Variants in SLC24A3 observed in about 807,000 individuals in gnomAD.
SLC24A3 encodes the protein solute carrier family 24 member 3, also known as sodium/potassium/calcium exchanger 3.
A neutral mutation model predicts 75.8 loss-of-function variants in SLC24A3; 28 were observed. The observed-to-expected ratio is 0.37, with a 90% CI of 0.27 to 0.51. The LOEUF (loss-of-function observed/expected upper bound fraction) is 0.51, where lower values mean the gene tolerates loss of function less well. Among genes scored for constraint, SLC24A3 ranks in the 20% least tolerant of loss-of-function variants. The probability of loss-of-function intolerance (pLI) is 0.94; values close to 1 mark genes in which losing one functional copy is unlikely to be tolerated. For missense variants in SLC24A3, 663 were observed against 847.8 expected (o/e 0.78, Z 2.71); for synonymous variants, 372 against 334.1 (o/e 1.11, Z -1.24).
At chr20:19,690,372 T>C (rs1476752372) in intron 12 of SLC24A3, among the ~76,000 whole-genome samples, 1 of 152,222 alleles carries the variant, frequency 6.6e-6, no homozygotes, top group Non-Finnish European at 1.5e-5. Context: ...CAACTTTGTC[T>C]AATCAATATC....
intron 15 of SLC24A3, among the ~76,000 whole-genome samples, chr20:19,713,109 C>A (rs1478671300): frequency 6.6e-6 from 1 of 152,178 alleles, no homozygotes; most frequent in Non-Finnish European, 1.5e-5. Context: ...TGTAAAATGG[C>A]ATCTAAGAAT....
At chr20:19,575,568 G>A (rs1254502901) in intron 3 of SLC24A3, among the ~76,000 whole-genome samples, 1 of 152,162 alleles carries the variant, frequency 6.6e-6, no homozygotes. Flanking sequence ...GACTAAAGCT[G>A]AAATTCCAAA....
At chr20:19,633,682 G>A (rs1341097951) in intron 6 of SLC24A3, among the ~76,000 whole-genome samples, 2 of 147,972 alleles carry the variant, frequency 1.4e-5, no homozygotes, top group African/African-American at 5.0e-5. Flanking sequence ...AATGCCAGTA[G>A]TATTGGATTA....
chr20:19,489,896 A>G (rs894634583), intron 2 of SLC24A3, among the ~76,000 whole-genome samples: 35 of 152,022 alleles, frequency 2.3e-4, no homozygotes, highest in Admixed American at 2.3e-3. Flanking sequence ...TGAATAATGG[A>G]GTTGAATGTT....
intron 2 of SLC24A3, among the ~76,000 whole-genome samples, chr20:19,375,016 G>A (rs540960983): frequency 2.2e-4 from 33 of 152,234 alleles, no homozygotes; most frequent in African/African-American, 7.2e-4. Context: ...GGAAGCCCCA[G>A]GTACACCCAG....
chr20:19,602,565 A>G (rs529703494), intron 6 of SLC24A3, among the ~76,000 whole-genome samples: 64 of 152,220 alleles, frequency 4.2e-4, no homozygotes, highest in African/African-American at 1.5e-3. Flanking sequence ...CAAACTTCCA[A>G]CCCAGGTCTG....
At chr20:19,694,618 G>T (rs1219095073) in intron 13 of SLC24A3, 1 of 152,132 alleles carries the variant, frequency 6.6e-6, no homozygotes, top group African/African-American at 2.4e-5. Context: ...GGACAGTGTT[G>T]GCTGTCCCTG....
At chr20:19,504,806 T>C (rs1408688860) in intron 2 of SLC24A3, among the ~76,000 whole-genome samples, 1 of 152,254 alleles carries the variant, frequency 6.6e-6, no homozygotes, top group Non-Finnish European at 1.5e-5. Context: ...TCACTTTCTT[T>C]AATGAGAATT....
chr20:19,288,256 C>T (rs1983860087), intron 2 of SLC24A3, among the ~76,000 whole-genome samples: 1 of 152,142 alleles, frequency 6.6e-6, no homozygotes, highest in Non-Finnish European at 1.5e-5. Context: ...GCCTAAGAGT[C>T]CACTATGTAA....
intron 2 of SLC24A3, among the ~76,000 whole-genome samples, chr20:19,450,727 G>A (rs1335479412): frequency 6.6e-6 from 1 of 152,178 alleles, no homozygotes; most frequent in African/African-American, 2.4e-5. Context: ...GGCTGGGTTC[G>A]ATGGCTCACA....
intron 2 of SLC24A3, among the ~76,000 whole-genome samples, chr20:19,461,473 C>T (rs1314269091): frequency 6.6e-6 from 1 of 151,312 alleles, no homozygotes; most frequent in East Asian, 1.9e-4. Context: ...TATGCATGCA[C>T]TGGGCACTTA....
At chr20:19,307,886 T>C (rs1180826238) in intron 2 of SLC24A3, among the ~76,000 whole-genome samples, 6 of 152,236 alleles carry the variant, frequency 3.9e-5, no homozygotes, top group Non-Finnish European at 8.8e-5. Context: ...GGACCAACTC[T>C]GCATCTGTGG....
At chr20:19,682,021 G>T in intron 10 of SLC24A3, 30 bp downstream of exon 10, 1 of 1,610,710 alleles carries the variant, frequency 6.2e-7, no homozygotes, top group Non-Finnish European at 8.5e-7. Flanking sequence ...TGGGGTCCAA[G>T]GCAGGAGGAT....
intron 15 of SLC24A3, among the ~76,000 whole-genome samples, chr20:19,714,418 A>G (rs1568708809): frequency 7.4e-6 from 1 of 134,806 alleles, no homozygotes; most frequent in African/African-American, 2.8e-5. Flanking sequence ...AAAAAAAAAA[A>G]AAAAAAAACA....
At chr20:19,458,227 G>C (rs1158265046) in intron 2 of SLC24A3, among the ~76,000 whole-genome samples, 3 of 152,064 alleles carry the variant, frequency 2.0e-5, no homozygotes, top group Non-Finnish European at 4.4e-5. Context: ...GTGTGTTTCC[G>C]TATTCTTTTT....
At chr20:19,655,435 G>T (rs1333851773) in intron 7 of SLC24A3, among the ~76,000 whole-genome samples, 1 of 152,164 alleles carries the variant, frequency 6.6e-6, no homozygotes, top group African/African-American at 2.4e-5. Flanking sequence ...CATTGAAATA[G>T]GAGTCGGGAG....
intron 2 of SLC24A3, among the ~76,000 whole-genome samples, chr20:19,511,078 AGACAACTCTGAGACCT>A (rs1988528524): frequency 1.3e-5 from 2 of 152,268 alleles, no homozygotes; most frequent in Admixed American, 1.3e-4. Context: ...ACCCTGCAGT[AGACAACTCTGAGACCT>A]GCTTTCCTCT....
chr20:19,535,085 T>C (rs1257792139), intron 3 of SLC24A3, among the ~76,000 whole-genome samples: 2 of 152,114 alleles, frequency 1.3e-5, no homozygotes, highest in African/African-American at 4.8e-5. Flanking sequence ...TTTACAGGAG[T>C]TTGGAAAGAA....
chr20:19,441,615 C>G (rs1263820281), intron 2 of SLC24A3, among the ~76,000 whole-genome samples: 1 of 152,154 alleles, frequency 6.6e-6, no homozygotes, highest in African/African-American at 2.4e-5. Context: ...CCCGTTTTCC[C>G]TGTTAACATC....
Sources: gnomAD v4.1 joint callset for allele counts (sites outside exome capture counted in the v4.1 genomes callset) on GRCh38, gnomAD v4.1.1 for gene constraint, MANE v1.5 for transcripts, NCBI Gene and HGNC (gene_info 2026-07-23, HGNC 2026-07-21) for gene names.